NCALD: variants seen among roughly 807,000 people sequenced by gnomAD.
The protein encoded by NCALD is neurocalcin delta, also known as neurocalcin-delta.
Under a neutral mutation model 18.6 loss-of-function variants are expected in NCALD, and 10 were observed. The observed-to-expected ratio is 0.54, with a 90% CI of 0.33 to 0.91. The LOEUF (loss-of-function observed/expected upper bound fraction) is 0.91. Ranked by LOEUF, NCALD falls within the 40% of genes least tolerant of loss-of-function variation. The probability of loss-of-function intolerance (pLI) is 0.03; values close to 1 mark genes in which losing one functional copy is unlikely to be tolerated. For missense variants in NCALD, 184 were observed against 247.6 expected (o/e 0.74, Z 1.72); for synonymous variants, 88 against 87.4 (o/e 1.01, Z -0.04).
chr8:102,033,293 C>T (rs1487047715), intron 1 of NCALD, among the ~76,000 whole-genome samples: 1 of 152,128 alleles, frequency 6.6e-6, no homozygotes, highest in Non-Finnish European at 1.5e-5. Context: ...GCTCAATTGT[C>T]ACTAACTGAG....
chr8:101,769,996 T>C (rs1230612801), intron 1 of NCALD, among the ~76,000 whole-genome samples: 1 of 152,106 alleles, frequency 6.6e-6, no homozygotes, highest in Non-Finnish European at 1.5e-5. Flanking sequence ...CATTCACAGA[T>C]TGATGAAGCT....
chr8:102,002,511 T>A (rs1163491053), intron 2 of NCALD, among the ~76,000 whole-genome samples: 1 of 152,168 alleles, frequency 6.6e-6, no homozygotes, highest in Non-Finnish European at 1.5e-5. Context: ...TGAACTCGGC[T>A]CTGCACCAAG....
intron 1 of NCALD, among the ~76,000 whole-genome samples, chr8:102,118,927 G>GA (rs1467995601): frequency 6.6e-5 from 10 of 152,092 alleles, no homozygotes; most frequent in East Asian, 1.9e-4. Context: ...TATATTAAAA[G>GA]AAAAAACAGA....
chr8:102,105,178 T>C (rs1261918234), intron 1 of NCALD, among the ~76,000 whole-genome samples: 2 of 152,226 alleles, frequency 1.3e-5, no homozygotes, highest in Non-Finnish European at 2.9e-5. Flanking sequence ...TGAATCAGGT[T>C]TCTATCATTT....
At chr8:101,769,873 T>G (rs1586455742) in intron 1 of NCALD, among the ~76,000 whole-genome samples, 1 of 152,306 alleles carries the variant, frequency 6.6e-6, no homozygotes, top group East Asian at 1.9e-4. Context: ...CTGAGCCACT[T>G]ACATTCTCAG....
At chr8:101,847,636 C>T (rs1309477575) in intron 4 of NCALD, among the ~76,000 whole-genome samples, 4 of 152,160 alleles carry the variant, frequency 2.6e-5, no homozygotes, top group Admixed American at 1.3e-4. Flanking sequence ...AACTAAGACA[C>T]CTACCATGTT....
At chr8:102,048,950 G>A (rs1293724850) in intron 1 of NCALD, among the ~76,000 whole-genome samples, 1 of 152,174 alleles carries the variant, frequency 6.6e-6, no homozygotes, top group African/African-American at 2.4e-5. Context: ...GATAAGGAGT[G>A]CAAAGCCTGT....
chr8:101,762,863 C>T (rs528740788), intron 1 of NCALD, among the ~76,000 whole-genome samples: 11 of 152,278 alleles, frequency 7.2e-5, no homozygotes, highest in Admixed American at 2.6e-4. Flanking sequence ...TGAGCCACCA[C>T]GCCCAGCCAA....
At chr8:101,913,571 C>T (rs1817875167) in intron 3 of NCALD, among the ~76,000 whole-genome samples, 1 of 152,176 alleles carries the variant, frequency 6.6e-6, no homozygotes, top group South Asian at 2.1e-4. Flanking sequence ...TTTGGTGTGT[C>T]TACTTAACTG....
intron 4 of NCALD, among the ~76,000 whole-genome samples, chr8:101,843,233 A>C (rs1248474070): frequency 6.6e-6 from 1 of 152,248 alleles, no homozygotes; most frequent in Admixed American, 6.5e-5. Flanking sequence ...GAGTCAAACT[A>C]GTCCAGGTAA....
At chr8:102,021,590 G>A (rs1234049809) in intron 1 of NCALD, among the ~76,000 whole-genome samples, 2 of 152,116 alleles carry the variant, frequency 1.3e-5, no homozygotes, top group Non-Finnish European at 2.9e-5. Context: ...GGTGGGTGGG[G>A]GTCAATCAGC....
chr8:101,766,204 A>G (rs1382685960), intron 1 of NCALD, among the ~76,000 whole-genome samples: 1 of 152,184 alleles, frequency 6.6e-6, no homozygotes, highest in Non-Finnish European at 1.5e-5. Flanking sequence ...TGAGTATGAC[A>G]TGGGAAAATG....
intron 1 of NCALD, among the ~76,000 whole-genome samples, chr8:101,748,441 A>G (rs938849305): frequency 1.1e-4 from 17 of 152,220 alleles, no homozygotes; most frequent in Non-Finnish European, 2.2e-4. Flanking sequence ...TCTCACCAGT[A>G]TAACTCTGAG....
At chr8:101,976,094 T>C (rs1307642895) in intron 2 of NCALD, among the ~76,000 whole-genome samples, 1 of 152,178 alleles carries the variant, frequency 6.6e-6, no homozygotes, top group Non-Finnish European at 1.5e-5. Context: ...AGTGGCCAAC[T>C]CTTTACAGCT....
intron 1 of NCALD, among the ~76,000 whole-genome samples, chr8:102,115,564 C>CA (rs2132467059): frequency 6.6e-6 from 1 of 152,326 alleles, no homozygotes; most frequent in Non-Finnish European, 1.5e-5. Context: ...AGGCCATTGC[C>CA]AAAGCTACTC....
intron 2 of NCALD, among the ~76,000 whole-genome samples, chr8:101,700,423 AGC>A (rs1312255229): frequency 3.9e-5 from 6 of 152,118 alleles, no homozygotes; most frequent in African/African-American, 1.4e-4. Flanking sequence ...TGGCACAAAA[AGC>A]ACCTTATTTT....
rs117652351 is a variant in NCALD, at chr8:101,903,855, G to T, written c.-107+11954C>A. Among the ~76,000 whole-genome samples, 230 of 152,312 alleles carry T rather than the reference G, an allele frequency of 1.5e-3. 2 individuals are homozygous for T. In the East Asian group the frequency reaches 0.041, roughly 27 times the overall value. ...TCTAAAAGACAGAAGGGTGCCTGGGGTTAGTGTGTGTCTCCTGTATATCTG... is the reference window on the plus strand; with the variant it reads ...TCTAAAAGACAGAAGGGTGCCTGGGTTTAGTGTGTGTCTCCTGTATATCTG... On this transcript the variant is annotated intron_variant, in intron 3 of 6. Transcript: ENST00000311028.
intron 4 of NCALD, among the ~76,000 whole-genome samples, chr8:101,823,712 C>G (rs777922855): frequency 1.3e-5 from 2 of 152,172 alleles, no homozygotes; most frequent in Non-Finnish European, 2.9e-5. Context: ...ATGTGCTGTT[C>G]TTTAACTGGG....
At chr8:102,093,448 T>C (rs1362472008) in intron 1 of NCALD, among the ~76,000 whole-genome samples, 1 of 152,154 alleles carries the variant, frequency 6.6e-6, no homozygotes, top group African/African-American at 2.4e-5. Context: ...GCTAAAAATA[T>C]TTACATTCCC....
Sources: allele counts gnomAD v4.1 joint callset (sites outside exome capture counted in the v4.1 genomes callset), GRCh38; gene constraint gnomAD v4.1.1; transcripts MANE v1.5; gene names NCBI Gene and HGNC (gene_info 2026-07-23, HGNC 2026-07-21).